FARS2: variants seen among roughly 807,000 people sequenced by gnomAD.
FARS2 encodes phenylalanyl-tRNA synthetase 2, mitochondrial, also known as phenylalanine--tRNA ligase, mitochondrial.
In FARS2, 40 loss-of-function variants were observed where a neutral mutation model predicts 46.4. That is an observed-to-expected ratio of 0.86 (90% CI 0.67 to 1.12). The LOEUF (loss-of-function observed/expected upper bound fraction) is 1.12, where lower values mean the gene tolerates loss of function less well. Among genes scored for constraint, FARS2 ranks in the 50% most tolerant of loss-of-function variants. The pLI, the probability that FARS2 is intolerant of heterozygous loss-of-function variation, is 0.00. For synonymous variants in FARS2, 234 were observed against 214.9 expected (o/e 1.09, Z -0.78); for missense variants, 513 against 567.9 (o/e 0.90, Z 0.98).
chr6:5,472,031 C>A (rs126049), intron 4 of FARS2, among the ~76,000 whole-genome samples: 82,484 of 151,940 alleles, frequency 0.54, 22,626 homozygotes, highest in East Asian at 0.7. Flanking sequence ...TCCTCCTCTT[C>A]CTCTTCCTTT....
chr6:5,609,490 C>G (rs1307880304), intron 5 of FARS2: 1 of 1,223,410 alleles, frequency 8.2e-7, no homozygotes, highest in Non-Finnish European at 1.2e-6. Flanking sequence ...TATCCACCAC[C>G]ATCATGGCTG....
At chr6:5,518,353 G>A (rs537624138) in intron 4 of FARS2, among the ~76,000 whole-genome samples, 1 of 152,254 alleles carries the variant, frequency 6.6e-6, no homozygotes, top group South Asian at 2.1e-4. Flanking sequence ...GTATTGGGAA[G>A]AATAAAGAGA....
chr6:5,299,139 A>G (rs1768106992), intron 1 of FARS2, among the ~76,000 whole-genome samples: 1 of 152,222 alleles, frequency 6.6e-6, no homozygotes, highest in African/African-American at 2.4e-5. Context: ...TTTCAGTACA[A>G]GCTTTAGCTC....
At chr6:5,451,427 C>A (rs1764484784) in intron 4 of FARS2, among the ~76,000 whole-genome samples, 1 of 152,106 alleles carries the variant, frequency 6.6e-6, no homozygotes, top group East Asian at 1.9e-4. Flanking sequence ...ATTTAATTCT[C>A]AAGTATGTCA....
chr6:5,653,566 C>T (rs923943119), intron 6 of FARS2, among the ~76,000 whole-genome samples: 3 of 152,104 alleles, frequency 2.0e-5, no homozygotes, highest in Non-Finnish European at 2.9e-5. Flanking sequence ...ACAAGTCTGA[C>T]GAGACTGGTG....
intron 6 of FARS2, among the ~76,000 whole-genome samples, chr6:5,689,292 G>A (rs1397180143): frequency 6.6e-6 from 1 of 152,004 alleles, no homozygotes; most frequent in Non-Finnish European, 1.5e-5. Flanking sequence ...TGTGATGTTA[G>A]GGTGTCAATT....
intron 1 of FARS2, among the ~76,000 whole-genome samples, chr6:5,360,895 C>G (rs1758253704): frequency 6.6e-6 from 1 of 152,118 alleles, no homozygotes; most frequent in East Asian, 1.9e-4. Context: ...TTTAGTGAAA[C>G]AGAGAAGATC....
intron 6 of FARS2, among the ~76,000 whole-genome samples, chr6:5,617,132 G>A (rs1775517596): frequency 6.6e-6 from 1 of 151,618 alleles, no homozygotes; most frequent in Non-Finnish European, 1.5e-5. Context: ...AAAAATCACT[G>A]AAAAAAATAA....
chr6:5,584,469 T>C (rs1773509334), intron 5 of FARS2, among the ~76,000 whole-genome samples: 1 of 152,218 alleles, frequency 6.6e-6, no homozygotes, highest in African/African-American at 2.4e-5. Context: ...GAATTTCATA[T>C]ATTTTAAATG....
At chr6:5,658,032 G>A (rs531617674) in intron 6 of FARS2, among the ~76,000 whole-genome samples, 20 of 152,184 alleles carry the variant, frequency 1.3e-4, no homozygotes, top group Admixed American at 9.8e-4. Flanking sequence ...CGAGGTGGGC[G>A]GATCACCTGA....
At chr6:5,271,535 G>A (rs1357926896) in intron 1 of FARS2, among the ~76,000 whole-genome samples, 2 of 147,844 alleles carry the variant, frequency 1.4e-5, no homozygotes, top group African/African-American at 2.5e-5. Flanking sequence ...ATATTAGGCT[G>A]TGTATAAGAA....
At chr6:5,478,459 G>T (rs904894584) in intron 4 of FARS2, among the ~76,000 whole-genome samples, 2 of 152,202 alleles carry the variant, frequency 1.3e-5, no homozygotes, top group Non-Finnish European at 2.9e-5. Flanking sequence ...CTTAGGCACA[G>T]AGAGGTTAAG....
At chr6:5,354,515 C>CTTT (rs1757788302) in intron 1 of FARS2, among the ~76,000 whole-genome samples, 1 of 147,528 alleles carries the variant, frequency 6.8e-6, no homozygotes, top group African/African-American at 2.6e-5. Flanking sequence ...CTAGTGGTTT[C>CTTT]CTTTTTTTTT....
At chr6:5,349,209 A>G (rs1182364536) in intron 1 of FARS2, among the ~76,000 whole-genome samples, 1 of 152,236 alleles carries the variant, frequency 6.6e-6, no homozygotes, top group Non-Finnish European at 1.5e-5. Context: ...GGAAACCAAA[A>G]TTCCAAACAG....
chr6:5,280,023 T>G (rs1766614690), intron 1 of FARS2, among the ~76,000 whole-genome samples: 1 of 152,208 alleles, frequency 6.6e-6, no homozygotes, highest in African/African-American at 2.4e-5. Context: ...AAACACCTAG[T>G]TTCCCCTTAG....
At chr6:5,312,765 A>G (rs1055038441) in intron 1 of FARS2, among the ~76,000 whole-genome samples, 3 of 152,212 alleles carry the variant, frequency 2.0e-5, no homozygotes, top group Non-Finnish European at 4.4e-5. Context: ...ATGTGCAAGC[A>G]CTGTAGCAAG....
intron 6 of FARS2, among the ~76,000 whole-genome samples, chr6:5,732,812 C>CAAAAAA (rs111399257): frequency 0.014 from 2,079 of 144,726 alleles, 43 homozygotes; most frequent in African/African-American, 0.05. Context: ...TCATATCCTT[C>CAAAAAA]AAAAAAAAAA....
chr6:5,465,868 G>A (rs187969), intron 4 of FARS2, among the ~76,000 whole-genome samples: 24,170 of 149,960 alleles, frequency 0.16, 3,042 homozygotes, highest in African/African-American at 0.35. Context: ...TACTTTTTTT[G>A]AAAAAAAGAA....
chr6:5,562,207 C>T (rs1210372721), intron 5 of FARS2, among the ~76,000 whole-genome samples: 1 of 152,112 alleles, frequency 6.6e-6, no homozygotes, highest in Non-Finnish European at 1.5e-5. Flanking sequence ...TGAATACATG[C>T]TCATTTCCCC....
Sources: allele counts gnomAD v4.1 joint callset (sites outside exome capture counted in the v4.1 genomes callset), GRCh38; gene constraint gnomAD v4.1.1; transcripts MANE v1.5; gene names NCBI Gene and HGNC (gene_info 2026-07-23, HGNC 2026-07-21).